The following XYLT1 variants were observed in gnomAD, a reference collection of about 807,000 sequenced individuals.
XYLT1 encodes the protein xylosyltransferase 1.
XYLT1 carries 36 observed loss-of-function variants against 91.3 expected under a neutral mutation model. The observed-to-expected ratio is 0.39, with a 90% CI of 0.30 to 0.52. XYLT1 has a LOEUF of 0.52. Among genes scored for constraint, XYLT1 ranks in the 20% least tolerant of loss-of-function variants. XYLT1 has a pLI of 0.68. For synonymous variants in XYLT1, 588 were observed against 532.0 expected (o/e 1.11, Z -1.45); for missense variants, 1,242 against 1,284.5 (o/e 0.97, Z 0.51).
At chr16:17,381,538 T>C (rs1173394213) in intron 1 of XYLT1, among the ~76,000 whole-genome samples, 5 of 149,760 alleles carry the variant, frequency 3.3e-5, no homozygotes, top group Non-Finnish European at 1.5e-5. Context: ...CAAGCAATTC[T>C]CCTGCCTCAG....
intron 1 of XYLT1, among the ~76,000 whole-genome samples, chr16:17,409,364 C>A (rs1044023787): frequency 6.6e-6 from 1 of 152,162 alleles, no homozygotes; most frequent in African/African-American, 2.4e-5. Flanking sequence ...TTCCTCCAGG[C>A]TCCTCATGCA....
At chr16:17,401,171 T>C (rs970650623) in intron 1 of XYLT1, among the ~76,000 whole-genome samples, 1 of 152,122 alleles carries the variant, frequency 6.6e-6, no homozygotes, top group East Asian at 1.9e-4. Context: ...TGATAGCACA[T>C]AGGGACACTG....
At chr16:17,367,677 G>A (rs1206869944) in intron 1 of XYLT1, among the ~76,000 whole-genome samples, 1 of 152,218 alleles carries the variant, frequency 6.6e-6, no homozygotes, top group Non-Finnish European at 1.5e-5. Flanking sequence ...GTGCAGACCA[G>A]TTATGCAGCG....
intron 5 of XYLT1, among the ~76,000 whole-genome samples, chr16:17,175,351 G>T (rs2031918301): frequency 6.6e-6 from 1 of 152,126 alleles, no homozygotes; most frequent in African/African-American, 2.4e-5. Context: ...TAGAATATAA[G>T]AGTTGCTTGC....
intron 3 of XYLT1, among the ~76,000 whole-genome samples, chr16:17,209,834 T>G (rs753058116): frequency 6.6e-6 from 1 of 152,246 alleles, no homozygotes; most frequent in South Asian, 2.1e-4. Flanking sequence ...ACTAATCACA[T>G]GGCTGGAGAG....
Position 17,108,953 on chromosome 16 carries a change from G to T in XYLT1, c.2622C>A (p.Ser874Arg). The change falls in exon 12 of 12, where the codon AGC becomes AGA. Residue 874 changes from serine to arginine, a missense_variant. Physicochemically the swap from Ser to Arg is moderately radical, Grantham distance 110. Coordinates refer to ENST00000261381, the MANE Select transcript of XYLT1 (RefSeq NM_022166.4). ...RNAYMEQSFQ[S>R]LNPVLSLPIN... The stretch of plus-strand genomic sequence containing the variant: ...TGGGCAGGCTGAGGACGGGGTTTAG[G>T]CTCTGGAAGCTCTGCTCCATGTAGG... The T allele has an allele frequency of 6.3e-7, 1 of 1,584,608 alleles. No individual in the cohort carries two copies. The highest frequency in any genetic ancestry group is 8.6e-7 in the Non-Finnish European group (1 of 1,159,030).
At chr16:17,427,807 T>G (rs1663517880) in intron 1 of XYLT1, among the ~76,000 whole-genome samples, 1 of 152,138 alleles carries the variant, frequency 6.6e-6, no homozygotes, top group Non-Finnish European at 1.5e-5. Flanking sequence ...GCTACATACA[T>G]TTCACTTAAA....
chr16:17,412,934 C>T (rs965061581), intron 1 of XYLT1, among the ~76,000 whole-genome samples: 12 of 152,308 alleles, frequency 7.9e-5, no homozygotes, highest in East Asian at 1.9e-4. Context: ...TCACAATGCT[C>T]GTATCTGCTG....
At chr16:17,414,251 T>A (rs1255582598) in intron 1 of XYLT1, among the ~76,000 whole-genome samples, 1 of 152,188 alleles carries the variant, frequency 6.6e-6, no homozygotes, top group African/African-American at 2.4e-5. Flanking sequence ...TGGTGGGCTT[T>A]ATTTCTATTT....
At chr16:17,373,077 G>A (rs186560532) in intron 1 of XYLT1, among the ~76,000 whole-genome samples, 1 of 152,216 alleles carries the variant, frequency 6.6e-6, no homozygotes, top group Non-Finnish European at 1.5e-5. Context: ...ACATTCTCCA[G>A]TTACTTGCCC....
At chr16:17,315,016 G>C (rs1355160325) in intron 2 of XYLT1, among the ~76,000 whole-genome samples, 1 of 152,184 alleles carries the variant, frequency 6.6e-6, no homozygotes, top group African/African-American at 2.4e-5. Flanking sequence ...GCCACGTGGC[G>C]GGTTATTCGC....
chr16:17,446,768 A>G (rs1182265598), intron 1 of XYLT1, among the ~76,000 whole-genome samples: 1 of 152,028 alleles, frequency 6.6e-6, no homozygotes, highest in Non-Finnish European at 1.5e-5. Context: ...GGGGACTCCC[A>G]CTCAGCCTGG....
At chr16:17,263,945 G>A (rs187061390) in intron 2 of XYLT1, among the ~76,000 whole-genome samples, 1 of 152,202 alleles carries the variant, frequency 6.6e-6, no homozygotes, top group African/African-American at 2.4e-5. Context: ...CTGACCTCAG[G>A]TGATCCACCC....
At chr16:17,366,747 G>A (rs778280549) in intron 1 of XYLT1, among the ~76,000 whole-genome samples, 1 of 152,068 alleles carries the variant, frequency 6.6e-6, no homozygotes, top group East Asian at 1.9e-4. Context: ...CAGGAGGCAG[G>A]CACCAAAAGC....
chr16:17,375,055 C>T (rs2059284), intron 1 of XYLT1, among the ~76,000 whole-genome samples: 78,715 of 152,014 alleles, frequency 0.52, 22,361 homozygotes, highest in African/African-American at 0.74. Flanking sequence ...ACAACCACAG[C>T]TATTAATATA....
intron 2 of XYLT1, among the ~76,000 whole-genome samples, chr16:17,260,480 T>G (rs936349): frequency 6.6e-6 from 1 of 151,908 alleles, no homozygotes; most frequent in East Asian, 1.9e-4. Context: ...CTTGTTGCTA[T>G]GGAAACACAG....
intron 2 of XYLT1, among the ~76,000 whole-genome samples, chr16:17,296,207 T>A (rs2034307238): frequency 6.6e-6 from 1 of 151,886 alleles, no homozygotes; most frequent in African/African-American, 2.4e-5. Context: ...TAGGGAGCAG[T>A]CCAAGGGAAC....
At chr16:17,172,075 G>A (rs1343304073) in intron 5 of XYLT1, among the ~76,000 whole-genome samples, 1 of 152,178 alleles carries the variant, frequency 6.6e-6, no homozygotes, top group Non-Finnish European at 1.5e-5. Flanking sequence ...GGGGTTAGAA[G>A]GAATGATATC....
intron 2 of XYLT1, among the ~76,000 whole-genome samples, chr16:17,345,508 A>C (rs765506452): frequency 1.3e-5 from 2 of 152,216 alleles, no homozygotes; most frequent in Non-Finnish European, 2.9e-5. Context: ...TCCACAAGAG[A>C]GAAAAGGCAG....
Sources: allele counts gnomAD v4.1 joint callset (sites outside exome capture counted in the v4.1 genomes callset), GRCh38; gene constraint gnomAD v4.1.1; transcripts MANE v1.5; gene names NCBI Gene and HGNC (gene_info 2026-07-23, HGNC 2026-07-21).